Variants in VPS13C observed in about 807,000 individuals in gnomAD.
The protein encoded by VPS13C is intermembrane lipid transfer protein VPS13C.
A neutral mutation model predicts 456.8 loss-of-function variants in VPS13C; 358 were observed. That is an observed-to-expected ratio of 0.78 (90% CI 0.72 to 0.86). The LOEUF (loss-of-function observed/expected upper bound fraction) is 0.86. VPS13C is among the 40% of genes least tolerant of loss of function. The probability of loss-of-function intolerance (pLI) is 0.00; values close to 1 mark genes in which losing one functional copy is unlikely to be tolerated. For synonymous variants in VPS13C, 1,578 were observed against 1,486.7 expected (o/e 1.06, Z -1.41); for missense variants, 4,818 against 4,385.4 (o/e 1.10, Z -2.79).
At chr15:61,890,022 A>T in intron 67 of VPS13C, 143 bp downstream of exon 67, 1 of 737,046 alleles carries the variant, frequency 1.4e-6, no homozygotes, top group Non-Finnish European at 2.2e-6. Context: ...CTAACAGTTC[A>T]AAGAATTATT....
At chr15:61,874,837 T>TA (rs770971118) in intron 77 of VPS13C, 39 bp downstream of exon 77, 4 of 1,498,504 alleles carry the variant, frequency 2.7e-6, no homozygotes, top group South Asian at 1.3e-5. Context: ...AACAATATAA[T>TA]AAAAAATATA....
At chr15:61,973,601 G>A (rs2045620018) in intron 25 of VPS13C, 69 bp from the exon 26 acceptor site, 7 of 1,169,080 alleles carry the variant, frequency 6.0e-6, no homozygotes, top group African/African-American at 1.5e-5. Context: ...TAAATGAGAG[G>A]AAGACTAAAA....
intron 66 of VPS13C, among the ~76,000 whole-genome samples, chr15:61,903,885 C>A (rs2043077244): frequency 6.6e-6 from 1 of 152,124 alleles, no homozygotes; most frequent in Non-Finnish European, 1.5e-5. Flanking sequence ...TGGAAAAAGA[C>A]AGTGTCTTCA....
intron 1 of VPS13C, among the ~76,000 whole-genome samples, chr15:62,052,672 C>CAAAAAAAAAAAA (rs35444089): frequency 1.4e-5 from 1 of 70,542 alleles, no homozygotes; most frequent in Non-Finnish European, 2.7e-5. Flanking sequence ...GACTCCGTCT[C>CAAAAAAAAAAAA]AAAAAAAAAA....
chr15:61,894,984 T>C (rs548431394), intron 66 of VPS13C, among the ~76,000 whole-genome samples: 151 of 152,110 alleles, frequency 9.9e-4, no homozygotes, highest in African/African-American at 3.0e-3. Flanking sequence ...AAAACAAGTC[T>C]CAAAAAATTC....
At chr15:61,903,915 C>T (rs1391850783) in intron 66 of VPS13C, among the ~76,000 whole-genome samples, 1 of 152,130 alleles carries the variant, frequency 6.6e-6, no homozygotes, top group Non-Finnish European at 1.5e-5. Context: ...GCTGGGAAAA[C>T]TGGATAACCA....
chr15:62,042,847 A>G (rs1411325227), intron 2 of VPS13C, among the ~76,000 whole-genome samples: 1 of 151,912 alleles, frequency 6.6e-6, no homozygotes, highest in Non-Finnish European at 1.5e-5. Context: ...GCACACCAAC[A>G]TGGCACATGT....
At chr15:61,933,375 C>A (rs1368119341) in intron 49 of VPS13C, among the ~76,000 whole-genome samples, 3 of 151,940 alleles carry the variant, frequency 2.0e-5, no homozygotes, top group Non-Finnish European at 4.4e-5. Context: ...TCAATAGTAA[C>A]AATGTATGAA....
At position 61,969,502 on chromosome 15, in the gene VPS13C, T is replaced by C. The variant is rs74382149; in HGVS notation, c.2758-50A>G. On this transcript the variant is annotated intron_variant, in intron 27 of 84. Coordinates refer to ENST00000644861, the MANE Select transcript of VPS13C (RefSeq NM_020821.3). The stretch of plus-strand genomic sequence containing the variant: ...AGTTGATAAGAAGTCTGAATCATAC[T>C]TAAAATAATGAAAACAAAATCTTTC... 3,038 of 1,328,258 alleles carry C rather than the reference T, an allele frequency of 2.3e-3. 62 individuals carry two copies. In the African/African-American group the frequency reaches 0.041, roughly 18 times the overall value. The allele number at this position is 1,328,258 out of a possible 1,614,324, so 82.3% of individuals were successfully genotyped here.
chr15:61,885,637 A>T (rs559641323), intron 67 of VPS13C, among the ~76,000 whole-genome samples: 1 of 152,276 alleles, frequency 6.6e-6, no homozygotes, highest in East Asian at 1.9e-4. Context: ...AGGTGGACTG[A>T]AATATTTTCC....
At position 62,012,103 on chromosome 15, in the gene VPS13C, T is replaced by C. The variant is rs1481949106; in HGVS notation, c.883+4A>G. 3 of 1,475,298 alleles carry C rather than the reference T, an allele frequency of 2.0e-6. No homozygotes were observed. The highest frequency in any genetic ancestry group is 1.1e-5 in the South Asian group (1 of 87,226). 91.4% of individuals were successfully genotyped at this position (1,475,298 alleles called of 1,614,324 possible). A position where few individuals can be genotyped will look rare whatever the true frequency, so the allele number is the denominator to read the frequency against. On this transcript the variant is annotated splice_donor_region_variant and intron_variant, in intron 12 of 84. Transcript: ENST00000644861. ...ACATGAAATAAACTTTTACTATTACTTACTGTATTGATAATTTGGGGGTAT... is the reference window on the plus strand; with the variant it reads ...ACATGAAATAAACTTTTACTATTACCTACTGTATTGATAATTTGGGGGTAT...
intron 63 of VPS13C, among the ~76,000 whole-genome samples, chr15:61,910,764 C>A (rs952833646): frequency 6.6e-6 from 1 of 152,128 alleles, no homozygotes; most frequent in Admixed American, 6.5e-5. Flanking sequence ...AGTTCTGACA[C>A]CATCCTCCTA....
intron 73 of VPS13C, among the ~76,000 whole-genome samples, chr15:61,879,718 G>C (rs190743261): frequency 1.3e-5 from 2 of 152,072 alleles, no homozygotes; most frequent in East Asian, 3.9e-4. Context: ...GTAAATACTT[G>C]TTTAAGGTAT....
At chr15:61,923,176 C>T (rs1473683654) in intron 53 of VPS13C, among the ~76,000 whole-genome samples, 2 of 142,614 alleles carry the variant, frequency 1.4e-5, no homozygotes, top group African/African-American at 5.2e-5. Flanking sequence ...TGTCAAGATA[C>T]ACATAAATAT....
At chr15:61,967,532 T>C (rs2045415625) in intron 28 of VPS13C, 85 bp from the exon 29 acceptor site, 10 of 1,035,022 alleles carry the variant, frequency 9.7e-6, no homozygotes, top group African/African-American at 1.7e-5. Flanking sequence ...TAAAAATTTG[T>C]TAATTAAGCT....
At chr15:62,054,309 A>G (rs117721256) in intron 1 of VPS13C, among the ~76,000 whole-genome samples, 111 of 152,344 alleles carry the variant, frequency 7.3e-4, no homozygotes, top group Non-Finnish European at 1.3e-3. Context: ...TGAAAGCCTG[A>G]CTTACAAACT....
intron 16 of VPS13C, among the ~76,000 whole-genome samples, chr15:61,999,725 G>A (rs72749744): frequency 0.059 from 8,969 of 151,592 alleles, 463 homozygotes; most frequent in East Asian, 0.21. Flanking sequence ...ATGGAACACT[G>A]CGCACAAGGC....
chr15:61,962,935 G>T, intron 32 of VPS13C, 83 bp from the exon 33 acceptor site: 1 of 1,004,976 alleles, frequency 1.0e-6, no homozygotes, highest in East Asian at 3.0e-5. Context: ...TTTTATTTTG[G>T]GGTGACTTTT....
intron 53 of VPS13C, among the ~76,000 whole-genome samples, chr15:61,923,870 T>C: frequency 8.4e-6 from 1 of 119,218 alleles, no homozygotes; most frequent in Admixed American, 8.3e-5. Context: ...TCTTTTTTTT[T>C]TTTTTTTTTT....
Sources: gnomAD v4.1 joint callset for allele counts (sites outside exome capture counted in the v4.1 genomes callset) on GRCh38, gnomAD v4.1.1 for gene constraint, MANE v1.5 for transcripts, NCBI Gene and HGNC (gene_info 2026-07-23, HGNC 2026-07-21) for gene names.